The following ANP32E variants were observed in gnomAD, a reference collection of about 807,000 sequenced individuals.
The protein encoded by ANP32E is acidic leucine-rich nuclear phosphoprotein 32 family member E.
Under a neutral mutation model 35.3 loss-of-function variants are expected in ANP32E, and 14 were observed. That is an observed-to-expected ratio of 0.40 (90% CI 0.26 to 0.62). ANP32E has a LOEUF of 0.62. Ranked by LOEUF, ANP32E falls within the 20% of genes least tolerant of loss-of-function variation. ANP32E has a pLI of 0.45. For missense variants in ANP32E, 198 were observed against 304.4 expected (o/e 0.65, Z 2.60); for synonymous variants, 89 against 110.4 (o/e 0.81, Z 1.22).
At chr1:150,228,511 G>A (rs1649070097) in intron 4 of ANP32E, among the ~76,000 whole-genome samples, 1 of 151,970 alleles carries the variant, frequency 6.6e-6, no homozygotes, top group South Asian at 2.1e-4. Flanking sequence ...CCAACATGGT[G>A]AAACCTCGTC....
At chr1:150,228,109 C>T (rs114544772) in intron 4 of ANP32E, among the ~76,000 whole-genome samples, 3,052 of 150,592 alleles carry the variant, frequency 0.02, 119 homozygotes, top group African/African-American at 0.068. Flanking sequence ...TTTTTGTTTG[C>T]TTTTTTGTTT....
chr1:150,236,038 G>C lies in ANP32E; in HGVS notation c.-252C>G. The C allele has an allele frequency of 5.7e-6, 3 of 528,140 alleles. No homozygotes were observed. Among genetic ancestry groups the C allele is most frequent in the Non-Finnish European group, 1.0e-5 (3 of 292,126 alleles). The allele number at this position is 528,140 out of a possible 1,614,324, so 32.7% of individuals were successfully genotyped here. ...AGCGCGCGCACACACACGCACGCAC[G>C]CGCGCACACACATACACACACACAT... On this transcript the variant is annotated 5_prime_UTR_variant, in exon 1 of 7. Transcript: ENST00000583931.
At chr1:150,229,298 CTTTTTTTT>C in intron 3 of ANP32E, 61 bp from the exon 4 acceptor site, 5 of 429,546 alleles carry the variant, frequency 1.2e-5, no homozygotes, top group Non-Finnish European at 1.8e-5. Context: ...TTTCTTTTTT[CTTTTTTTT>C]TTTTTTTTTT....
rs1649436538 is a variant in ANP32E, at chr1:150,232,475, T to TC, written c.55-550_55-549insG. The stretch of plus-strand genomic sequence containing the variant: ...AGTAATCTTTTAAATTTCTTTTTTC[T>TC]TTTTTTTTTTTTGTAGATGGAGTCT... On this transcript the variant is annotated intron_variant, in intron 1 of 6. Coordinates refer to ENST00000583931, the MANE Select transcript of ANP32E (RefSeq NM_030920.5). Among the ~76,000 whole-genome samples the TC allele has an allele frequency of 4.8e-4, 12 of 25,018 alleles. 3 individuals carry two copies. The Non-Finnish European group carries it at 5.8e-3, about 12-fold the overall frequency. 16.4% of individuals were successfully genotyped at this position (25,018 alleles called of 152,430 possible).
intron 1 of ANP32E, chr1:150,234,525 C>T (rs1649621950): frequency 1.1e-6 from 1 of 932,242 alleles, no homozygotes; most frequent in Non-Finnish European, 1.3e-6. Context: ...CAGACACCAC[C>T]CCAGTTATAT....
intron 4 of ANP32E, among the ~76,000 whole-genome samples, chr1:150,227,600 G>A (rs993051513): frequency 2.0e-5 from 3 of 151,470 alleles, no homozygotes; most frequent in Non-Finnish European, 2.9e-5. Flanking sequence ...TCAAAAGAGG[G>A]GAAGGAGGGT....
Position 150,231,757 on chromosome 1 carries a change from T to G in ANP32E, c.204+20A>C. 1.2e-6 allele frequency: 2 copies of G among 1,601,140 alleles called. No homozygotes were observed. Among genetic ancestry groups the G allele is most frequent in the Non-Finnish European group, 1.7e-6 (2 of 1,175,188 alleles). Reference sequence around the variant, plus strand: ...GCCGTGGCATTGAAATCATGATGCTTCACGTAAATGCCAACTTACTTTTCG... The same window carrying G: ...GCCGTGGCATTGAAATCATGATGCTGCACGTAAATGCCAACTTACTTTTCG... On this transcript the variant is annotated intron_variant, in intron 2 of 6. Coordinates refer to ENST00000583931, the MANE Select transcript of ANP32E (RefSeq NM_030920.5).
In ANP32E at chr1:150,218,627, A is replaced by T. The variant is rs1553836559; in HGVS notation, c.*2064T>A. 1 of 152,594 alleles carries T rather than the reference A, an allele frequency of 6.6e-6. No homozygotes were observed. The highest frequency in any genetic ancestry group is 1.5e-5 in the Non-Finnish European group (1 of 68,032). The allele number at this position is 152,594 out of a possible 1,614,324, so 9.5% of individuals were successfully genotyped here. A position where few individuals can be genotyped will look rare whatever the true frequency, so the allele number is the denominator to read the frequency against. On this transcript the variant is annotated 3_prime_UTR_variant, in exon 7 of 7. Coordinates refer to ENST00000583931, the MANE Select transcript of ANP32E (RefSeq NM_030920.5). Reference sequence around the variant, plus strand: ...TATTAACTTCAAAGTTTTTAAGGAGATTCTTGAGGAACTTAACACAATATA... The same window carrying T: ...TATTAACTTCAAAGTTTTTAAGGAGTTTCTTGAGGAACTTAACACAATATA...
chr1:150,223,947 G>C (rs1648662555), intron 5 of ANP32E, among the ~76,000 whole-genome samples: 1 of 151,864 alleles, frequency 6.6e-6, no homozygotes, highest in Admixed American at 6.6e-5. Flanking sequence ...GTTTCTCCAT[G>C]TTGGTCAGGC....
At chr1:150,226,553 C>T in intron 5 of ANP32E, 55 bp downstream of exon 5, 1 of 1,597,894 alleles carries the variant, frequency 6.3e-7, no homozygotes, top group Non-Finnish European at 8.5e-7. Context: ...TTATATAGTA[C>T]TTACTCCTAT....
At chr1:150,233,066 A>G (rs1649495279) in intron 1 of ANP32E, among the ~76,000 whole-genome samples, 1 of 151,894 alleles carries the variant, frequency 6.6e-6, no homozygotes, top group African/African-American at 2.4e-5. Flanking sequence ...GGAGATCAAG[A>G]CAAGCCTGGC....
At chr1:150,232,489 T>TTGAG (rs1477799667) in intron 1 of ANP32E, among the ~76,000 whole-genome samples, 1 of 125,298 alleles carries the variant, frequency 8.0e-6, no homozygotes. Flanking sequence ...TTTTTTTTTG[T>TTGAG]AGATGGAGTC....
chr1:150,226,494 T>G, intron 5 of ANP32E, 114 bp downstream of exon 5: 1 of 1,272,046 alleles, frequency 7.9e-7, no homozygotes. Flanking sequence ...GATAGACATA[T>G]GCACACCCAC....
At chr1:150,227,807 A>T (rs1448451833) in intron 4 of ANP32E, among the ~76,000 whole-genome samples, 5 of 95,580 alleles carry the variant, frequency 5.2e-5, no homozygotes, top group African/African-American at 1.6e-4. Flanking sequence ...ATTTCTTTTT[A>T]CGATGAAGAA....
chr1:150,228,195 G>A (rs1015387612), intron 4 of ANP32E, among the ~76,000 whole-genome samples: 1 of 151,546 alleles, frequency 6.6e-6, no homozygotes, highest in East Asian at 1.9e-4. Context: ...TGCAACCTTC[G>A]CCTCCCAGGT....
chr1:150,234,722 G>T, intron 1 of ANP32E: 1 of 970,216 alleles, frequency 1.0e-6, no homozygotes, highest in Non-Finnish European at 1.2e-6. Flanking sequence ...GAAAAAACGG[G>T]TCGCCTCCCA....
Position 150,236,061 on chromosome 1 carries a change from C to CAT in ANP32E, c.-277_-276dup, listed in dbSNP as rs782706818. On this transcript the variant is annotated 5_prime_UTR_variant, in exon 1 of 7. It adds an upstream start codon to the 5' untranslated region. Coordinates refer to ENST00000583931, the MANE Select transcript of ANP32E (RefSeq NM_030920.5). ...ACGCGCGCACACACATACACACACA[C>CAT]ATACACACACACACCCGCAGTTCCT... The CAT allele has an allele frequency of 2.2e-4, 89 of 412,652 alleles. No homozygotes were observed. Among genetic ancestry groups the CAT allele is most frequent in the Non-Finnish European group, 3.4e-4 (77 of 227,238 alleles). The allele number at this position is 412,652 out of a possible 1,614,324, so 25.6% of individuals were successfully genotyped here.
intron 3 of ANP32E, 107 bp from the exon 4 acceptor site, chr1:150,229,344 C>T: frequency 1.5e-6 from 1 of 687,964 alleles, no homozygotes. Context: ...CTGTTGCCAG[C>T]TGGAATTCAG....
chr1:150,231,959 T>G (rs1553841864), intron 1 of ANP32E, 33 bp from the exon 2 acceptor site: 2 of 1,600,606 alleles, frequency 1.2e-6, no homozygotes, highest in South Asian at 1.1e-5. Flanking sequence ...TAATGATTCT[T>G]TAGTTTGTAA....
Sources: allele counts gnomAD v4.1 joint callset (sites outside exome capture counted in the v4.1 genomes callset), GRCh38; gene constraint gnomAD v4.1.1; transcripts MANE v1.5; gene names NCBI Gene and HGNC (gene_info 2026-07-23, HGNC 2026-07-21).